Variants in NFIB observed in about 807,000 individuals in gnomAD.
The protein encoded by NFIB is nuclear factor 1 B-type.
A neutral mutation model predicts 61.5 loss-of-function variants in NFIB; 11 were observed. The observed-to-expected ratio is 0.18, with a 90% CI of 0.11 to 0.30. The LOEUF (loss-of-function observed/expected upper bound fraction) is 0.30. Among genes scored for constraint, NFIB ranks in the 10% least tolerant of loss-of-function variants. The pLI is 1.00. For synonymous variants in NFIB, 260 were observed against 216.5 expected (o/e 1.20, Z -1.76); for missense variants, 471 against 608.9 (o/e 0.77, Z 2.38).
the NFIB span, among the ~76,000 whole-genome samples, chr9:14,502,483 G>C: frequency 4.3e-4 from 65 of 152,290 alleles, no homozygotes; most frequent in African/African-American, 1.5e-3. Context: ...TGGAAAGAAA[G>C]TGGTGCAAAA....
At chr9:14,530,790 C>T in the NFIB span, among the ~76,000 whole-genome samples, 73 of 152,096 alleles carry the variant, frequency 4.8e-4, no homozygotes, top group African/African-American at 1.7e-3. Flanking sequence ...AATAAAGTGC[C>T]CATTGTCTTC....
At chr9:14,458,778 G>C in the NFIB span, among the ~76,000 whole-genome samples, 1 of 151,988 alleles carries the variant, frequency 6.6e-6, no homozygotes, top group African/African-American at 2.4e-5. Context: ...TTGCTTCAAA[G>C]AGAATAAAAT....
chr9:14,466,041 A>T, the NFIB span, among the ~76,000 whole-genome samples: 1 of 152,076 alleles, frequency 6.6e-6, no homozygotes, highest in African/African-American at 2.4e-5. Context: ...CACCAGCTGT[A>T]TTTGTCTCAC....
At chr9:14,127,508 T>C (rs1228531423) in intron 6 of NFIB, among the ~76,000 whole-genome samples, 2 of 152,176 alleles carry the variant, frequency 1.3e-5, no homozygotes. Context: ...AAATCCCAGA[T>C]ATCATATAAC....
At chr9:14,272,820 A>G (rs763762661) in intron 2 of NFIB, among the ~76,000 whole-genome samples, 1 of 152,154 alleles carries the variant, frequency 6.6e-6, no homozygotes, top group Non-Finnish European at 1.5e-5. Context: ...TATGAAAGCA[A>G]ATCTCAGGAA....
the NFIB span, among the ~76,000 whole-genome samples, chr9:14,484,569 G>T: frequency 3.3e-5 from 5 of 152,020 alleles, no homozygotes; most frequent in Non-Finnish European, 5.9e-5. Flanking sequence ...AATAAATATA[G>T]CAATACAAAC....
intron 10 of NFIB, among the ~76,000 whole-genome samples, chr9:14,108,714 T>C (rs750593250): frequency 2.4e-4 from 36 of 152,118 alleles, no homozygotes; most frequent in Middle Eastern, 3.4e-3. Flanking sequence ...AATATATATA[T>C]AGTCAGGAGA....
chr9:14,293,857 C>T (rs2132565416), intron 2 of NFIB, among the ~76,000 whole-genome samples: 2 of 152,190 alleles, frequency 1.3e-5, no homozygotes, highest in South Asian at 4.2e-4. Context: ...TCTGACAGCC[C>T]AAACATGGTA....
At chr9:14,297,625 C>T (rs1361524426) in intron 2 of NFIB, among the ~76,000 whole-genome samples, 1 of 152,182 alleles carries the variant, frequency 6.6e-6, no homozygotes, top group Non-Finnish European at 1.5e-5. Flanking sequence ...GGTTCTAGCG[C>T]CTGTAGCACA....
chr9:14,218,527 C>A (rs546626904), intron 2 of NFIB, among the ~76,000 whole-genome samples: 13 of 152,306 alleles, frequency 8.5e-5, no homozygotes, highest in African/African-American at 3.1e-4. Flanking sequence ...TGTAGAACTC[C>A]AAGTTGGGCT....
chr9:14,526,698 A>G, the NFIB span, among the ~76,000 whole-genome samples: 1 of 152,226 alleles, frequency 6.6e-6, no homozygotes, highest in Admixed American at 6.5e-5. Flanking sequence ...AAATGCCTAA[A>G]AATAGTGATT....
the NFIB span, among the ~76,000 whole-genome samples, chr9:14,441,936 T>C: frequency 7.9e-5 from 12 of 152,232 alleles, no homozygotes; most frequent in African/African-American, 2.9e-4. Context: ...TAATTTCCCA[T>C]GAATGATTGT....
At chr9:14,256,839 G>A (rs952761218) in intron 2 of NFIB, among the ~76,000 whole-genome samples, 2 of 152,152 alleles carry the variant, frequency 1.3e-5, no homozygotes, top group Admixed American at 6.5e-5. Context: ...TCCTGAGGCC[G>A]TTAACTTCCT....
chr9:14,189,102 T>G (rs2047668132), intron 2 of NFIB, among the ~76,000 whole-genome samples: 1 of 152,194 alleles, frequency 6.6e-6, no homozygotes, highest in Non-Finnish European at 1.5e-5. Flanking sequence ...GCACCATGAC[T>G]TACATATCTG....
upstream of NFIB, among the ~76,000 whole-genome samples, chr9:14,314,734 TC>T (rs1288083618): frequency 4.6e-5 from 3 of 65,802 alleles, no homozygotes; most frequent in African/African-American, 6.1e-5. Context: ...TCTCCTTCTC[TC>T]CCCCCACCTC....
chr9:14,323,484 A>C (rs1043086468), intron 1 of NFIB, among the ~76,000 whole-genome samples: 5 of 152,216 alleles, frequency 3.3e-5, no homozygotes, highest in Non-Finnish European at 7.3e-5. Flanking sequence ...TTAAAAGTAA[A>C]AATATAACAC....
At chr9:14,351,065 G>A (rs977966726) in intron 1 of NFIB, among the ~76,000 whole-genome samples, 12 of 152,166 alleles carry the variant, frequency 7.9e-5, no homozygotes, top group Non-Finnish European at 1.3e-4. Context: ...GTGTGTTCCA[G>A]GAACAAATCT....
At chr9:14,462,825 C>T in the NFIB span, among the ~76,000 whole-genome samples, 2 of 152,138 alleles carry the variant, frequency 1.3e-5, no homozygotes, top group Admixed American at 6.6e-5. Flanking sequence ...TAGCACAAGG[C>T]CATAGCCAAT....
chr9:14,342,975 G>C (rs1420601283), intron 1 of NFIB, among the ~76,000 whole-genome samples: 1 of 151,838 alleles, frequency 6.6e-6, no homozygotes, highest in African/African-American at 2.4e-5. Context: ...TATTATTAAA[G>C]AAAGGAGGGA....
Sources: gnomAD v4.1 joint callset for allele counts (sites outside exome capture counted in the v4.1 genomes callset) on GRCh38, gnomAD v4.1.1 for gene constraint, MANE v1.5 for transcripts, NCBI Gene and HGNC (gene_info 2026-07-23, HGNC 2026-07-21) for gene names.